PLEKHH1: variants seen among roughly 807,000 people sequenced by gnomAD.
PLEKHH1 encodes pleckstrin homology, MyTH4 and FERM domain containing H1.
Under a neutral mutation model 160.0 loss-of-function variants are expected in PLEKHH1, and 104 were observed. The ratio of observed to expected loss-of-function variants is 0.65; its 90% CI spans 0.55 to 0.76. The LOEUF is 0.76. Among genes scored for constraint, PLEKHH1 ranks in the 30% least tolerant of loss-of-function variants. The probability of loss-of-function intolerance (pLI) is 0.00; values close to 1 mark genes in which losing one functional copy is unlikely to be tolerated. For missense variants in PLEKHH1, 1,427 were observed against 1,724.1 expected (o/e 0.83, Z 3.05); for synonymous variants, 619 against 678.4 (o/e 0.91, Z 1.36).
Position 67,562,528 on chromosome 14 carries a change from C to A in PLEKHH1, c.897C>A (p.Thr299=), listed in dbSNP as rs753208746. 1.9e-6 allele frequency: 3 copies of A among 1,609,424 alleles called. No homozygotes were observed. The Admixed American group carries it at 5.0e-5, about 27-fold the overall frequency. The part of the protein sequence containing the change: ...AQRGMLPGTK[T]SAREGGPGSS... ...GAGGGATGCTCCCTGGGACAAAGACCTCTGCCAGGGAAGGTGGTCCTGGCA... is the reference window on the plus strand; with the variant it reads ...GAGGGATGCTCCCTGGGACAAAGACATCTGCCAGGGAAGGTGGTCCTGGCA... The change falls in exon 7 of 29, where the codon ACC becomes ACA. Residue 299 remains threonine, a synonymous_variant. Transcript: ENST00000329153.
At chr14:67,540,892 A>G (rs935774027) in intron 1 of PLEKHH1, among the ~76,000 whole-genome samples, 2 of 152,000 alleles carry the variant, frequency 1.3e-5, no homozygotes, top group African/African-American at 4.8e-5. Context: ...TCCTGCATCC[A>G]GTGTTTTTTC....
Position 67,569,859 on chromosome 14 carries a change from T to G in PLEKHH1, c.1343-62T>G, listed in dbSNP as rs1377574308. ...AATGCCATCTGCCCAGTTCTCTGCT[T>G]CCCCCACACCCCTTCCTGGGTTATG... is the stretch of plus-strand genomic sequence containing the variant. On this transcript the variant is annotated intron_variant, in intron 8 of 28. Coordinates refer to ENST00000329153, the MANE Select transcript of PLEKHH1 (RefSeq NM_020715.3). 1.6e-5 allele frequency: 17 copies of G among 1,067,974 alleles called. No homozygotes were observed. The Admixed American group carries it at 3.3e-4, about 21-fold the overall frequency. 66.2% of individuals were successfully genotyped at this position (1,067,974 alleles called of 1,614,324 possible). A position where few individuals can be genotyped will look rare whatever the true frequency, so the allele number is the denominator to read the frequency against.
chr14:67,566,273 T>G lies in PLEKHH1; in HGVS notation c.1264-2865T>G, dbSNP rs1483821528. ...CAAGAGTGGGGCACATCAGGAAGAC[T>G]AGGGGATGGAAAAGCACTGGTCCCC... On this transcript the variant is annotated intron_variant, in intron 7 of 28. Transcript: ENST00000329153. Among the ~76,000 whole-genome samples the G allele has an allele frequency of 3.2e-5, 3 of 93,664 alleles. No homozygotes were observed. The East Asian group carries it at 9.6e-4, about 30-fold the overall frequency. 61.4% of individuals were successfully genotyped at this position (93,664 alleles called of 152,430 possible). A position where few individuals can be genotyped will look rare whatever the true frequency, so the allele number is the denominator to read the frequency against.
intron 1 of PLEKHH1, among the ~76,000 whole-genome samples, chr14:67,535,407 G>A (rs2033671125): frequency 9.0e-6 from 1 of 110,860 alleles, no homozygotes; most frequent in Non-Finnish European, 1.7e-5. Context: ...TTGAGCCAGA[G>A]TCTCGCTCTG....
chr14:67,550,648 A>G (rs1316323520), intron 2 of PLEKHH1, among the ~76,000 whole-genome samples: 3 of 152,224 alleles, frequency 2.0e-5, no homozygotes, highest in African/African-American at 7.2e-5. Context: ...ACTTACTGCT[A>G]TAGAAAATAG....
At chr14:67,540,366 C>T (rs1454879755) in intron 1 of PLEKHH1, among the ~76,000 whole-genome samples, 1 of 152,080 alleles carries the variant, frequency 6.6e-6, no homozygotes, top group East Asian at 1.9e-4. Context: ...TGGCTCACAC[C>T]TGTAATCCCA....
intron 2 of PLEKHH1, among the ~76,000 whole-genome samples, chr14:67,548,921 A>G (rs778112671): frequency 4.5e-4 from 69 of 152,216 alleles, no homozygotes; most frequent in Non-Finnish European, 1.2e-4. Flanking sequence ...CTGAGTGGAT[A>G]AATGGTTCTG....
Position 67,582,363 on chromosome 14 carries a change from C to CATGT in PLEKHH1, c.3426+154_3426+155insTGTA. ...TGGGATGGAAAGCAGCTGACTTCTA[C>CATGT]AGATCAGAGCTCCTCACTCACCGCA... On this transcript the variant is annotated intron_variant, in intron 24 of 28. Coordinates refer to ENST00000329153, the MANE Select transcript of PLEKHH1 (RefSeq NM_020715.3). This position sits in a 1 kb window ranked among gnomAD's most constrained non-coding sequence, Gnocchi z 5.0. The CATGT allele has an allele frequency of 9.4e-6, 12 of 1,280,086 alleles. No homozygotes were observed. Among genetic ancestry groups the CATGT allele is most frequent in the Non-Finnish European group, 1.3e-5 (12 of 918,652 alleles). The allele number at this position is 1,280,086 out of a possible 1,614,324, so 79.3% of individuals were successfully genotyped here.
At chr14:67,568,327 A>C (rs1242509119) in intron 7 of PLEKHH1, among the ~76,000 whole-genome samples, 1 of 151,310 alleles carries the variant, frequency 6.6e-6, no homozygotes, top group African/African-American at 2.4e-5. Context: ...CATTATCTTC[A>C]GCAAACTAAC....
At chr14:67,585,233 C>A (rs560832353) in intron 26 of PLEKHH1, 6 of 199,542 alleles carry the variant, frequency 3.0e-5, no homozygotes, top group South Asian at 2.5e-4. Context: ...ATTCCCCTAA[C>A]AGAGCAGCTA....
chr14:67,537,974 G>A (rs973998270), intron 1 of PLEKHH1, among the ~76,000 whole-genome samples: 1 of 152,222 alleles, frequency 6.6e-6, no homozygotes, highest in African/African-American at 2.4e-5. Flanking sequence ...CAGGCTGGGT[G>A]CCAGCAGAAT....
At chr14:67,541,713 C>A in intron 1 of PLEKHH1, 121 bp from the exon 2 acceptor site, 1 of 622,400 alleles carries the variant, frequency 1.6e-6, no homozygotes, top group Non-Finnish European at 2.6e-6. Flanking sequence ...TCTTCCCCAG[C>A]CCTGTTTTCT....
chr14:67,586,883 A>G lies in PLEKHH1; in HGVS notation c.3934-191A>G, dbSNP rs757114745. On this transcript the variant is annotated intron_variant, in intron 28 of 28. Transcript: ENST00000329153. Reference sequence around the variant, plus strand: ...TGCATCTGAGAGGATCTCCAGACCAACAGGAGCCCACACCACTGGGCCTCT... The same window carrying G: ...TGCATCTGAGAGGATCTCCAGACCAGCAGGAGCCCACACCACTGGGCCTCT... The G allele has an allele frequency of 2.0e-6, 3 of 1,524,756 alleles. No homozygotes were observed. In the South Asian group the frequency reaches 3.6e-5, roughly 18 times the overall value. The allele number at this position is 1,524,756 out of a possible 1,614,324, so 94.5% of individuals were successfully genotyped here.
At chr14:67,569,291 C>T in intron 8 of PLEKHH1, 75 bp downstream of exon 8, 1 of 1,018,460 alleles carries the variant, frequency 9.8e-7, no homozygotes, top group Non-Finnish European at 1.5e-6. Flanking sequence ...GGAGAAGACT[C>T]CAAGCAACAC....
intron 1 of PLEKHH1, among the ~76,000 whole-genome samples, chr14:67,536,431 T>C (rs1178929924): frequency 6.6e-6 from 1 of 151,782 alleles, no homozygotes; most frequent in Non-Finnish European, 1.5e-5. Context: ...GTGGAAGTCA[T>C]ACAGATACTC....
intron 17 of PLEKHH1, among the ~76,000 whole-genome samples, 166 bp from the exon 18 acceptor site, chr14:67,577,135 GC>G (rs1406831551): frequency 6.6e-6 from 1 of 152,160 alleles, no homozygotes; most frequent in Non-Finnish European, 1.5e-5. Flanking sequence ...TCATTGCAGT[GC>G]CCACCTGTAC....
At chr14:67,567,756 G>A (rs1408123012) in intron 7 of PLEKHH1, among the ~76,000 whole-genome samples, 1 of 152,060 alleles carries the variant, frequency 6.6e-6, no homozygotes, top group Non-Finnish European at 1.5e-5. Context: ...CCATCTCCTA[G>A]CCCATCTGAC....
chr14:67,540,939 CT>C (rs777660474), intron 1 of PLEKHH1, among the ~76,000 whole-genome samples: 4 of 152,168 alleles, frequency 2.6e-5, no homozygotes, highest in Non-Finnish European at 4.4e-5. Context: ...GTGAATTCCC[CT>C]GGCTGGACAT....
intron 1 of PLEKHH1, among the ~76,000 whole-genome samples, chr14:67,537,006 C>T (rs1007868078): frequency 2.0e-5 from 3 of 150,646 alleles, no homozygotes; most frequent in African/African-American, 7.4e-5. Flanking sequence ...CACCATTGTA[C>T]TCCAGCCTGG....
Sources: allele counts gnomAD v4.1 joint callset (sites outside exome capture counted in the v4.1 genomes callset), GRCh38; gene constraint gnomAD v4.1.1; non-coding constraint Gnocchi (gnomAD v3.1); transcripts MANE v1.5; gene names NCBI Gene and HGNC (gene_info 2026-07-23, HGNC 2026-07-21).